The following MPP7 variants were observed in gnomAD, a reference collection of about 807,000 sequenced individuals.
MPP7 encodes the protein MAGUK p55 subfamily member 7.
A neutral mutation model predicts 76.5 loss-of-function variants in MPP7; 60 were observed. The observed-to-expected ratio is 0.78, with a 90% CI of 0.64 to 0.97. MPP7 has a LOEUF of 0.97. MPP7 is among the 50% of genes least tolerant of loss of function. The pLI, the probability that MPP7 is intolerant of heterozygous loss-of-function variation, is 0.00. For missense variants in MPP7, 641 were observed against 694.0 expected (o/e 0.92, Z 0.86); for synonymous variants, 237 against 244.5 (o/e 0.97, Z 0.29).
At position 28,147,557 on chromosome 10, in the gene MPP7, C is replaced by G. The variant is rs142463330; in HGVS notation, c.241G>C (p.Glu81Gln). 7.4e-6 allele frequency: 12 copies of G among 1,613,772 alleles called. No homozygotes were observed. Among genetic ancestry groups the G allele is most frequent in the Admixed American group, 3.3e-5 (2 of 59,994 alleles). Residue 81 changes from glutamate (E) to glutamine (Q), a missense_variant, in exon 5 of 17, where the codon GAA (glutamate) becomes CAA (glutamine). Glu to Gln is a conservative substitution (Grantham distance 29). Transcript: ENST00000683449. The stretch of plus-strand genomic sequence containing the variant: ...TTTAATGGCTTGTTCTGAAGCTCTT[C>G]GGCCAGCTGCAACGGAGATTACATT... ...GAAALADDLA[E>Q]ELQNKPLNSE...
At chr10:28,321,438 T>A (rs530820170) in intron 2 of MPP7, among the ~76,000 whole-genome samples, 2 of 152,306 alleles carry the variant, frequency 1.3e-5, no homozygotes, top group South Asian at 4.1e-4. Context: ...GTGAGAAAAC[T>A]GAGGCTAGAG....
intron 11 of MPP7, among the ~76,000 whole-genome samples, chr10:28,109,213 C>T (rs541830476): frequency 8.4e-4 from 128 of 151,972 alleles, no homozygotes; most frequent in Admixed American, 2.3e-3. Context: ...ACTTGAACCC[C>T]GGAGGCAGAG....
intron 2 of MPP7, among the ~76,000 whole-genome samples, chr10:28,226,529 A>T (rs1281752457): frequency 6.6e-6 from 1 of 152,170 alleles, no homozygotes; most frequent in Non-Finnish European, 1.5e-5. Context: ...TACAGGAGTG[A>T]CCCACCACAC....
At chr10:28,157,289 CTA>C (rs953255663) in intron 3 of MPP7, among the ~76,000 whole-genome samples, 43 of 152,224 alleles carry the variant, frequency 2.8e-4, no homozygotes, top group African/African-American at 8.9e-4. Flanking sequence ...ACAGGGCTAG[CTA>C]TCACTGTTGT....
At chr10:28,261,923 G>C (rs893799575) in intron 1 of MPP7, among the ~76,000 whole-genome samples, 5 of 147,150 alleles carry the variant, frequency 3.4e-5, no homozygotes, top group African/African-American at 5.0e-5. Flanking sequence ...GCCGAGGTGG[G>C]TGGATTGCTT....
intron 2 of MPP7, among the ~76,000 whole-genome samples, chr10:28,320,086 T>A (rs1011119197): frequency 6.6e-6 from 1 of 152,226 alleles, no homozygotes; most frequent in Non-Finnish European, 1.5e-5. Context: ...AGTCACGCAC[T>A]GAATGTCTCT....
At chr10:28,240,989 T>C (rs1293629583) in intron 1 of MPP7, among the ~76,000 whole-genome samples, 1 of 152,266 alleles carries the variant, frequency 6.6e-6, no homozygotes, top group African/African-American at 2.4e-5. Context: ...AGTTTCTTTA[T>C]GTCATGAGAA....
At chr10:28,325,997 T>A (rs1049789289) in intron 2 of MPP7, among the ~76,000 whole-genome samples, 12 of 138,986 alleles carry the variant, frequency 8.6e-5, no homozygotes, top group South Asian at 2.4e-4. Context: ...AAAAAAAAAA[T>A]TCCTTAAAGA....
chr10:28,146,770 G>T (rs551333002), intron 5 of MPP7, among the ~76,000 whole-genome samples: 9 of 152,170 alleles, frequency 5.9e-5, no homozygotes, highest in African/African-American at 2.2e-4. Flanking sequence ...TAACCTATAT[G>T]TAATTCTGAC....
intron 1 of MPP7, among the ~76,000 whole-genome samples, chr10:28,286,545 G>A (rs1840796072): frequency 6.6e-6 from 1 of 152,096 alleles, no homozygotes; most frequent in East Asian, 1.9e-4. Flanking sequence ...ATCACTGTGA[G>A]GAGCCCACTT....
intron 12 of MPP7, among the ~76,000 whole-genome samples, chr10:28,083,531 TC>T (rs1226155794): frequency 4.2e-3 from 516 of 122,896 alleles, no homozygotes; most frequent in African/African-American, 0.014. Context: ...ATTTTCTTCC[TC>T]TTTTTTTTTT....
intron 1 of MPP7, chr10:28,282,227 A>G (rs1187452215): frequency 6.6e-6 from 1 of 152,010 alleles, no homozygotes; most frequent in Non-Finnish European, 1.5e-5. Context: ...ACCTCAGTAT[A>G]TTGTCTCTTT....
At chr10:28,259,915 C>T (rs1229943198) in intron 1 of MPP7, among the ~76,000 whole-genome samples, 4 of 149,650 alleles carry the variant, frequency 2.7e-5, no homozygotes, top group African/African-American at 9.8e-5. Flanking sequence ...TCCAGGAAGT[C>T]AAGGCTGCAG....
At chr10:28,307,201 T>A (rs969136379), upstream of MPP7, among the ~76,000 whole-genome samples, 22 of 152,206 alleles carry the variant, frequency 1.4e-4, 1 homozygote, top group Admixed American at 1.4e-3. Context: ...ACCTGCTGTT[T>A]ATAGTAAACT....
chr10:28,236,377 A>C (rs746119822), intron 2 of MPP7, among the ~76,000 whole-genome samples: 69 of 152,246 alleles, frequency 4.5e-4, no homozygotes, highest in Admixed American at 3.6e-3. Flanking sequence ...ACACTTTTCT[A>C]TATTTAACAC....
At chr10:28,112,917 T>C (rs1435717438) in intron 11 of MPP7, among the ~76,000 whole-genome samples, 5 of 152,324 alleles carry the variant, frequency 3.3e-5, no homozygotes, top group East Asian at 3.9e-4. Flanking sequence ...GGCTTAACTT[T>C]CTCATATCAG....
At chr10:28,200,330 C>T (rs765939077) in intron 3 of MPP7, among the ~76,000 whole-genome samples, 3 of 152,154 alleles carry the variant, frequency 2.0e-5, no homozygotes, top group East Asian at 1.9e-4. Flanking sequence ...ACTAGAGGTA[C>T]GTAATAAAAC....
At position 28,236,444 on chromosome 10, in the gene MPP7, A is replaced by C. The variant is rs533577055; in HGVS notation, c.37+2124T>G. Among the ~76,000 whole-genome samples, 6 of 152,304 alleles carry C rather than the reference A, an allele frequency of 3.9e-5. No homozygotes were observed. In the South Asian group the frequency reaches 1.2e-3, roughly 32 times the overall value. On this transcript the variant is annotated intron_variant, in intron 2 of 16. Transcript: ENST00000683449. ...TAGAAAAAAAGCTGAAGAATAATAA[A>C]TAGGGCATAACAAAATCTGTGATTA...
At chr10:28,331,147 G>A (rs959924316) in intron 1 of MPP7, among the ~76,000 whole-genome samples, 10 of 152,154 alleles carry the variant, frequency 6.6e-5, no homozygotes, top group African/African-American at 2.4e-4. Context: ...TCTAGCAGGT[G>A]CTCAACAAAT....
Sources: gnomAD v4.1 joint callset for allele counts (sites outside exome capture counted in the v4.1 genomes callset) on GRCh38, gnomAD v4.1.1 for gene constraint, MANE v1.5 for transcripts, NCBI Gene and HGNC (gene_info 2026-07-23, HGNC 2026-07-21) for gene names.